POU2F2: variants seen among roughly 807,000 people sequenced by gnomAD.
POU2F2 encodes the protein POU domain, class 2, transcription factor 2.
A neutral mutation model predicts 63.5 loss-of-function variants in POU2F2; 14 were observed. The ratio of observed to expected loss-of-function variants is 0.22; its 90% CI spans 0.15 to 0.34. POU2F2 has a LOEUF of 0.34. POU2F2 is among the 10% of genes least tolerant of loss of function. POU2F2 has a pLI of 1.00. For synonymous variants in POU2F2, 306 were observed against 348.6 expected (o/e 0.88, Z 1.36); for missense variants, 607 against 815.2 (o/e 0.74, Z 3.11).
At position 42,091,237 on chromosome 19, in the gene POU2F2, A is replaced by AG; in HGVS notation, c.*19dup. ...CCAAGGCAGGGACCAGAGGAATGGG[A>AG]GGGGAGGCATGGCTGGCCCTCACTC... On this transcript the variant is annotated 3_prime_UTR_variant, in exon 15 of 15. Coordinates refer to ENST00000692977, the MANE Select transcript of POU2F2 (RefSeq NM_001394376.1). The AG allele has an allele frequency of 6.6e-7, 1 of 1,517,266 alleles. No homozygotes were observed. The highest frequency in any genetic ancestry group is 8.8e-7 in the Non-Finnish European group (1 of 1,136,914). 94.0% of individuals were successfully genotyped at this position (1,517,266 alleles called of 1,614,324 possible). A position where few individuals can be genotyped will look rare whatever the true frequency, so the allele number is the denominator to read the frequency against.
intron 4 of POU2F2, among the ~76,000 whole-genome samples, chr19:42,118,506 G>C (rs2032194184): frequency 6.6e-6 from 1 of 152,236 alleles, no homozygotes; most frequent in African/African-American, 2.4e-5. Flanking sequence ...CATTTGTCCT[G>C]CACTGTGGAC....
chr19:42,189,892 A>G (rs1223237542), intron 1 of POU2F2, among the ~76,000 whole-genome samples: 1 of 151,462 alleles, frequency 6.6e-6, no homozygotes, highest in Non-Finnish European at 1.5e-5. Context: ...TACTTGGCTA[A>G]TTTTTTTTTA....
chr19:42,166,372 C>T (rs1477240452), intron 1 of POU2F2, among the ~76,000 whole-genome samples: 1 of 152,092 alleles, frequency 6.6e-6, no homozygotes, highest in Non-Finnish European at 1.5e-5. Context: ...GTTCAAAGCA[C>T]CTTGCACAAT....
intron 4 of POU2F2, among the ~76,000 whole-genome samples, chr19:42,118,520 C>G (rs1787268358): frequency 6.6e-6 from 1 of 152,258 alleles, no homozygotes; most frequent in Non-Finnish European, 1.5e-5. Context: ...TGTGGACAAG[C>G]CAGATGTGGC....
At chr19:42,110,269 G>T in intron 5 of POU2F2, among the ~76,000 whole-genome samples, 1 of 151,984 alleles carries the variant, frequency 6.6e-6, no homozygotes, top group East Asian at 1.9e-4. Context: ...GCAAGACCTC[G>T]TCTCTAAAAA....
intron 2 of POU2F2, among the ~76,000 whole-genome samples, chr19:42,149,074 A>T (rs1398324999): frequency 6.6e-6 from 1 of 151,662 alleles, no homozygotes; most frequent in Non-Finnish European, 1.5e-5. Flanking sequence ...CCTGCCCTCA[A>T]CTCCCTCCCT....
chr19:42,143,282 G>C (rs2034165121), intron 2 of POU2F2, among the ~76,000 whole-genome samples: 1 of 152,112 alleles, frequency 6.6e-6, no homozygotes, highest in Admixed American at 6.5e-5. Flanking sequence ...GAACCTGGGG[G>C]CTGAGGTTGC....
chr19:42,151,962 C>T (rs541198530), intron 2 of POU2F2, among the ~76,000 whole-genome samples: 2 of 152,298 alleles, frequency 1.3e-5, no homozygotes, highest in South Asian at 4.1e-4. Context: ...GGCAGGAAAC[C>T]AACATAGACA....
At chr19:42,176,881 A>C (rs993013592), upstream of POU2F2, among the ~76,000 whole-genome samples, 1 of 151,050 alleles carries the variant, frequency 6.6e-6, no homozygotes, top group African/African-American at 2.4e-5. Flanking sequence ...TCCCGCCCGG[A>C]GAGCTCTCTG....
chr19:42,188,015 C>T (rs2035032265), intron 1 of POU2F2, among the ~76,000 whole-genome samples: 1 of 152,004 alleles, frequency 6.6e-6, no homozygotes, highest in South Asian at 2.1e-4. Flanking sequence ...AAGTGACTCA[C>T]TTCTCATGAA....
rs1228041583 is a variant in POU2F2, at chr19:42,169,397, C to T, written c.-70+6566G>A. On this transcript the variant is annotated intron_variant, in intron 1 of 6. Coordinates refer to the POU2F2 transcript ENST00000524801. This position sits in a 1 kb window ranked among gnomAD's most constrained non-coding sequence, Gnocchi z 4.3. ...CCTGAGAGGTCTCAGCACCTATGTG[C>T]CTGCACAGACATCTGGGTTTTCATA... is the stretch of plus-strand genomic sequence containing the variant. Among the ~76,000 whole-genome samples the T allele has an allele frequency of 1.3e-5, 2 of 152,216 alleles. No homozygotes were observed. The highest frequency in any genetic ancestry group is 1.9e-4 in the East Asian group (1 of 5,200).
intron 2 of POU2F2, among the ~76,000 whole-genome samples, chr19:42,154,128 T>G (rs2034413014): frequency 7.6e-6 from 1 of 132,224 alleles, no homozygotes; most frequent in Non-Finnish European, 1.6e-5. Context: ...ACAAGTCCAG[T>G]CCAACCCAGA....
At position 42,089,871 on chromosome 19, in the gene POU2F2, TG is replaced by T. The variant is rs1388081840; in HGVS notation, c.*1385del. The T allele has an allele frequency of 6.6e-6, 1 of 152,146 alleles. No homozygotes were observed. Among genetic ancestry groups the T allele is most frequent in the Admixed American group, 6.6e-5 (1 of 15,266 alleles). The allele number at this position is 152,146 out of a possible 1,614,324, so 9.4% of individuals were successfully genotyped here. Reference sequence around the variant, plus strand: ...GTGGCTCCCAGTGGTGTCTCTCCTCTGTCCGTCGTCAGTGGAGACGTGTCCG... The same window carrying T: ...GTGGCTCCCAGTGGTGTCTCTCCTCTTCCGTCGTCAGTGGAGACGTGTCCG... On this transcript the variant is annotated 3_prime_UTR_variant, in exon 15 of 15. Transcript: ENST00000692977.
chr19:42,122,977 G>A (rs1426636546), intron 1 of POU2F2, among the ~76,000 whole-genome samples: 4 of 152,158 alleles, frequency 2.6e-5, no homozygotes, highest in Non-Finnish European at 4.4e-5. Context: ...CCAGGCTCCC[G>A]TCCTGCCCTA....
chr19:42,183,224 T>C (rs565275553), intron 1 of POU2F2, among the ~76,000 whole-genome samples: 2 of 152,300 alleles, frequency 1.3e-5, no homozygotes, highest in East Asian at 3.9e-4. Context: ...AACTCTGCCC[T>C]CATAGAGACC....
chr19:42,123,490 A>G (rs193118795), intron 1 of POU2F2, among the ~76,000 whole-genome samples: 2 of 152,180 alleles, frequency 1.3e-5, no homozygotes, highest in Admixed American at 6.5e-5. Flanking sequence ...AGAGCTAGAT[A>G]TGACTCACAG....
chr19:42,095,512 A>C lies in POU2F2; in HGVS notation c.1020+33T>G. On this transcript the variant is annotated intron_variant, in intron 10 of 14. Transcript: ENST00000692977. The surrounding 1 kb of genome is among the most constrained non-coding windows in gnomAD (Gnocchi z 7.1). Reference sequence around the variant, plus strand: ...CGAGGCCCACCGCCCGCCACCCCTCAGGTGAGGGCCACCCAGGAGAGGGGG... The same window carrying C: ...CGAGGCCCACCGCCCGCCACCCCTCCGGTGAGGGCCACCCAGGAGAGGGGG... The C allele has an allele frequency of 6.2e-7, 1 of 1,602,762 alleles. No homozygotes were observed. The highest frequency in any genetic ancestry group is 8.5e-7 in the Non-Finnish European group (1 of 1,174,742).
chr19:42,099,633 G>A lies in POU2F2; in HGVS notation c.476-15C>T. ...CGGTAGCAGGCCTGGAAAGACAAGG[G>A]GAAATACACAGGGTGAGGGGGAGGG... On this transcript the variant is annotated splice_polypyrimidine_tract_variant and intron_variant, in intron 6 of 14. Transcript: ENST00000692977. 1 of 1,610,628 alleles carries A rather than the reference G, an allele frequency of 6.2e-7. No homozygotes were observed. Among genetic ancestry groups the A allele is most frequent in the Non-Finnish European group, 8.5e-7 (1 of 1,176,906 alleles).
At position 42,095,101 on chromosome 19, in the gene POU2F2, T is replaced by G. The variant is rs548799756; in HGVS notation, c.1197+185A>C. ...TATCTAGGGGTGCTTGTATCCCCCA[T>G]GTAAGACCACAGTTCCCTGGAAACC... On this transcript the variant is annotated intron_variant, in intron 11 of 14. Transcript: ENST00000692977. This position sits in a 1 kb window ranked among gnomAD's most constrained non-coding sequence, Gnocchi z 7.1. 3.9e-5 allele frequency among the ~76,000 whole-genome samples: 6 copies of G among 152,274 alleles called. No homozygotes were observed. The highest frequency in any genetic ancestry group is 5.9e-5 in the Non-Finnish European group (4 of 68,014).
Sources: allele counts gnomAD v4.1 joint callset (sites outside exome capture counted in the v4.1 genomes callset), GRCh38; gene constraint gnomAD v4.1.1; non-coding constraint Gnocchi (gnomAD v3.1); transcripts MANE v1.5; gene names NCBI Gene and HGNC (gene_info 2026-07-23, HGNC 2026-07-21).